Variants in SBSN observed in about 807,000 individuals in gnomAD.
The protein encoded by SBSN is suprabasin.
SBSN carries 33 observed loss-of-function variants against 42.8 expected under a neutral mutation model. The ratio of observed to expected loss-of-function variants is 0.77; its 90% CI spans 0.58 to 1.03. The LOEUF is 1.03. Ranked by LOEUF, SBSN falls within the 50% of genes least tolerant of loss-of-function variation. The pLI is 0.00. For synonymous variants in SBSN, 276 were observed against 307.0 expected (o/e 0.90, Z 1.06); for missense variants, 646 against 757.3 (o/e 0.85, Z 1.72).
intron 3 of SBSN, among the ~76,000 whole-genome samples, chr19:35,523,786 C>A (rs1336069151): frequency 6.6e-6 from 1 of 152,222 alleles, no homozygotes; most frequent in Non-Finnish European, 1.5e-5. Flanking sequence ...GGATGCTCTG[C>A]CGCCCCCATA....
rs1347006535 is a variant in SBSN at position 35,523,525 on chromosome 19, G to A, written c.1758C>T (p.Ala586=). 1 of 1,614,100 alleles carries A rather than the reference G, an allele frequency of 6.2e-7. No homozygotes were observed. The highest frequency in any genetic ancestry group is 8.5e-7 in the Non-Finnish European group (1 of 1,180,002). The change falls in exon 4 of 4, where the codon GCC becomes GCT. Residue 586 remains alanine (A), a synonymous_variant. Transcript: ENST00000452271. ...INLPALWRSV[A]NIMP ...GGATGCCAGTTTAGGGCATGATGTT[G>A]GCGACGCTCTGGAAGAGAGAAGGAG...
chr19:35,524,336 G>A (rs1270219478), intron 3 of SBSN, among the ~76,000 whole-genome samples: 1 of 152,156 alleles, frequency 6.6e-6, no homozygotes, highest in Non-Finnish European at 1.5e-5. Context: ...GCATTTGCAG[G>A]AGGGTTGGGA....
chr19:35,526,400 G>T (rs2071370362), intron 1 of SBSN, among the ~76,000 whole-genome samples: 1 of 152,092 alleles, frequency 6.6e-6, no homozygotes, highest in African/African-American at 2.4e-5. Context: ...GTGGGACAGG[G>T]TGCCCGCCAC....
chr19:35,526,465 C>T (rs889424451), intron 1 of SBSN, among the ~76,000 whole-genome samples, 179 bp downstream of exon 1: 2 of 152,174 alleles, frequency 1.3e-5, no homozygotes, highest in African/African-American at 4.8e-5. Context: ...GACCAGCTGC[C>T]ACCAGCTCCT....
rs751357086 is a variant in SBSN at position 35,528,094 on chromosome 19, C to T, written c.188G>A (p.Arg63Lys). 3.3e-5 allele frequency: 53 copies of T among 1,614,072 alleles called. No homozygotes were observed. Among genetic ancestry groups the T allele is most frequent in the Non-Finnish European group, 4.2e-5 (50 of 1,180,032 alleles). The change falls in exon 1 of 4, where the codon AGG becomes AAG. Residue 63 changes from arginine (R) to lysine (K), a missense_variant. Transcript: ENST00000452271. ...GINSGITHAGREVEKVFNGLS... is the reference protein window; with the variant it reads ...GINSGITHAGKEVEKVFNGLS... ...TCCGTTGAAAACCTTCTCCACTTCC[C>T]TTCCGGCATGCGTGATTCCACTGTT...
rs2071332949 is a variant in SBSN at position 35,523,391 on chromosome 19, T to C, written c.*119A>G. On this transcript the variant is annotated 3_prime_UTR_variant, in exon 4 of 4. Coordinates refer to ENST00000452271, the MANE Select transcript of SBSN (RefSeq NM_001166034.2). ...ATAGTGTATCAAGTTTATTCACAAA[T>C]CCCAGTACAACCCCCTTCAGGGATT... is the stretch of plus-strand genomic sequence containing the variant. 7.0e-6 allele frequency: 7 copies of C among 999,210 alleles called. No individual in the cohort carries two copies. In the South Asian group the frequency reaches 9.2e-5, roughly 13 times the overall value. The allele number at this position is 999,210 out of a possible 1,614,324, so 61.9% of individuals were successfully genotyped here.
chr19:35,523,960 C>T (rs1250779128), intron 3 of SBSN, among the ~76,000 whole-genome samples: 1 of 152,310 alleles, frequency 6.6e-6, no homozygotes, highest in South Asian at 2.1e-4. Context: ...GAGGGGATCA[C>T]TTGAGATCAG....
chr19:35,525,208 G>A lies in SBSN; in HGVS notation c.1639-284C>T, dbSNP rs550914657. Among the ~76,000 whole-genome samples, 37 of 152,262 alleles carry A rather than the reference G, an allele frequency of 2.4e-4. 1 individual carries two copies. The South Asian group carries it at 4.6e-3, about 19-fold the overall frequency. On this transcript the variant is annotated intron_variant, in intron 1 of 3. Transcript: ENST00000452271. Reference sequence around the variant, plus strand: ...GGTGGAAAGGGAAGGTAGAGGACCCGTGACAAACAATATCAGGACCTAGTT... The same window carrying A: ...GGTGGAAAGGGAAGGTAGAGGACCCATGACAAACAATATCAGGACCTAGTT...
At position 35,526,830 on chromosome 19, in the gene SBSN, G is replaced by T; in HGVS notation, c.1452C>A (p.Val484=). 1 of 1,612,724 alleles carries T rather than the reference G, an allele frequency of 6.2e-7. No homozygotes were observed. Among genetic ancestry groups the T allele is most frequent in the South Asian group, 1.1e-5 (1 of 91,002 alleles). ...DKAVQGFHTG[V]HQAGKEAEKL... ...TCTCTGCTTCCTTCCCAGCCTGGTG[G>T]ACCCCAGTGTGGAACCCTTGGACCG... The change falls in exon 1 of 4, where the codon GTC becomes GTA. Residue 484 remains valine (V), a synonymous_variant. Coordinates refer to ENST00000452271, the MANE Select transcript of SBSN (RefSeq NM_001166034.2).
chr19:35,527,037 A>T lies in SBSN; in HGVS notation c.1245T>A (p.Ala415=). 6.5e-7 allele frequency: 1 copy of T among 1,539,610 alleles called. No homozygotes were observed. Among genetic ancestry groups the T allele is most frequent in the African/African-American group, 1.4e-5 (1 of 72,716 alleles). ...GGCCAAACTGCCCCGCCTCCCTTCC[A>T]GCCTGACTAACGCCATGATGGAGGC... The part of the protein sequence containing the change: ...VQGLHHGVSQ[A]GREAGQFGHD... The change falls in exon 1 of 4, where the codon GCT becomes GCA. Residue 415 remains alanine (A), a synonymous_variant. Coordinates refer to ENST00000452271, the MANE Select transcript of SBSN (RefSeq NM_001166034.2).
rs1302121759 is a variant in SBSN, at chr19:35,527,445, G to T, written c.837C>A (p.Gly279=). The T allele has an allele frequency of 3.8e-6, 6 of 1,583,816 alleles. No individual in the cohort carries two copies. Among genetic ancestry groups the T allele is most frequent in the Non-Finnish European group, 5.1e-6 (6 of 1,174,214 alleles). ...SEGWKETEKF[G]QGVHHTAGQV... is the part of the protein sequence containing the mutation. ...GACCAGCAGTATGGTGGACCCCCTG[G>T]CCAAACTTCTCTGTCTCCTTCCAGC... The change falls in exon 1 of 4, where the codon GGC becomes GGA. Residue 279 remains glycine, a synonymous_variant. Transcript: ENST00000452271.
Position 35,523,500 on chromosome 19 carries a change from G to A in SBSN, c.*10C>T, listed in dbSNP as rs376012344. The A allele has an allele frequency of 1.2e-5, 19 of 1,613,878 alleles. No individual in the cohort carries two copies. The highest frequency in any genetic ancestry group is 2.2e-5 in the East Asian group (1 of 44,884). On this transcript the variant is annotated 3_prime_UTR_variant, in exon 4 of 4. Coordinates refer to ENST00000452271, the MANE Select transcript of SBSN (RefSeq NM_001166034.2). ...GCGACATTATTCTCCCAGCAAGGCC[G>A]GATGCCAGTTTAGGGCATGATGTTG...
In SBSN at chr19:35,527,307, G is replaced by C. The variant is rs552372989; in HGVS notation, c.975C>G (p.Ala325=). Residue 325 remains alanine (A), a synonymous_variant, in exon 1 of 4, where the codon GCC becomes GCG. Transcript: ENST00000452271. ...GGCCAAACCTCCCAGCCTCATTTCC[G>C]GCCTGCCCCGCAGCATGGTGGGCCC... is the stretch of plus-strand genomic sequence containing the variant. ...GQGAHHAAGQ[A]GNEAGRFGQG... The C allele has an allele frequency of 6.6e-7, 1 of 1,524,502 alleles. No individual in the cohort carries two copies. The highest frequency in any genetic ancestry group is 8.8e-7 in the Non-Finnish European group (1 of 1,142,354). The allele number at this position is 1,524,502 out of a possible 1,614,324, so 94.4% of individuals were successfully genotyped here.
intron 1 of SBSN, 43 bp from the exon 2 acceptor site, chr19:35,524,967 G>C (rs756958793): frequency 5.6e-6 from 9 of 1,602,550 alleles, no homozygotes; most frequent in Non-Finnish European, 7.7e-6. Flanking sequence ...CCACAAACGC[G>C]GAGGGTCTCC....
intron 3 of SBSN, among the ~76,000 whole-genome samples, chr19:35,523,988 G>A (rs2071340696): frequency 6.6e-6 from 1 of 152,188 alleles, no homozygotes; most frequent in Non-Finnish European, 1.5e-5. Context: ...AGACCAGCCT[G>A]GCCAATATGG....
chr19:35,524,796 C>A, intron 2 of SBSN, 41 bp from the exon 3 acceptor site: 2 of 1,613,854 alleles, frequency 1.2e-6, no homozygotes, highest in South Asian at 2.2e-5. Flanking sequence ...CAGCGTCTGA[C>A]CCACAGCCAT....
At chr19:35,526,597 CTCCCCCA>C in intron 1 of SBSN, 40 bp downstream of exon 1, 1 of 744,372 alleles carries the variant, frequency 1.3e-6, no homozygotes, top group Non-Finnish European at 2.1e-6. Context: ...TAACCTTTCC[CTCCCCCA>C]ACCCCCCTGT....
chr19:35,527,390 G>A lies in SBSN; in HGVS notation c.892C>T (p.Gln298Ter). ...TGCCCCGCAGCATGGTGGGCCCCCT[G>A]GCCAAACTTCTCTGCCTCCTTCCCA... is the stretch of plus-strand genomic sequence containing the variant. ...QVGKEAEKFG[Q>*]GAHHAAGQAG... is the part of the protein sequence containing the mutation. Residue 298 changes from glutamine (Q) to a stop codon, truncating the protein, a stop_gained, in exon 1 of 4, where the codon CAG becomes TAG. Transcript: ENST00000452271. LOFTEE classifies it high-confidence loss of function. The A allele has an allele frequency of 6.4e-7, 1 of 1,569,268 alleles. No individual in the cohort carries two copies. Among genetic ancestry groups the A allele is most frequent in the Non-Finnish European group, 8.6e-7 (1 of 1,167,482 alleles).
chr19:35,523,728 G>A (rs977948820), intron 3 of SBSN, among the ~76,000 whole-genome samples, 195 bp from the exon 4 acceptor site: 3 of 152,188 alleles, frequency 2.0e-5, no homozygotes, highest in Non-Finnish European at 2.9e-5. Flanking sequence ...AGGCAGAGGG[G>A]CTGGGGCCTC....
Sources: gnomAD v4.1 joint callset for allele counts (sites outside exome capture counted in the v4.1 genomes callset) on GRCh38, gnomAD v4.1.1 for gene constraint, MANE v1.5 for transcripts, NCBI Gene and HGNC (gene_info 2026-07-23, HGNC 2026-07-21) for gene names.